The following TMEM132D variants were observed in gnomAD, a reference collection of about 807,000 sequenced individuals.
The protein encoded by TMEM132D is transmembrane protein 132D, also known as mature OL transmembrane protein.
TMEM132D carries 21 observed loss-of-function variants against 62.3 expected under a neutral mutation model. The observed-to-expected ratio is 0.34, with a 90% CI of 0.24 to 0.49. TMEM132D has a LOEUF of 0.49. Among genes scored for constraint, TMEM132D ranks in the 20% least tolerant of loss-of-function variants. The pLI, the probability that TMEM132D is intolerant of heterozygous loss-of-function variation, is 0.99. For missense variants in TMEM132D, 1,346 were observed against 1,402.8 expected, an observed-to-expected ratio of 0.96 and a Z score of 0.65; for synonymous variants, 621 against 575.6, an observed-to-expected ratio of 1.08 and a Z score of -1.13.
chr12:129,557,022 C>G (rs183611257), intron 2 of TMEM132D, among the ~76,000 whole-genome samples: 10 of 152,292 alleles, frequency 6.6e-5, no homozygotes, highest in Middle Eastern at 3.4e-3. Flanking sequence ...TTATATCCTT[C>G]TTTTAAAAGT....
At chr12:129,795,217 A>G (rs1871528652) in intron 1 of TMEM132D, among the ~76,000 whole-genome samples, 1 of 152,074 alleles carries the variant, frequency 6.6e-6, no homozygotes, top group African/African-American at 2.4e-5. Context: ...ACATCACTGC[A>G]TTGGCTATAA....
chr12:129,222,071 T>C (rs1332561717), intron 4 of TMEM132D, among the ~76,000 whole-genome samples: 2 of 152,128 alleles, frequency 1.3e-5, no homozygotes, highest in African/African-American at 2.4e-5. Flanking sequence ...GGCTGTGGTA[T>C]GGTATGCAGA....
At chr12:129,680,341 GA>G (rs1880747028) in intron 2 of TMEM132D, among the ~76,000 whole-genome samples, 1 of 152,048 alleles carries the variant, frequency 6.6e-6, no homozygotes, top group African/African-American at 2.4e-5. Flanking sequence ...AGATAAAAGG[GA>G]AAAGAAATAT....
At chr12:129,384,227 AG>A (rs1871039989) in intron 3 of TMEM132D, among the ~76,000 whole-genome samples, 1 of 152,254 alleles carries the variant, frequency 6.6e-6, no homozygotes, top group Non-Finnish European at 1.5e-5. Context: ...AACATTTAAA[AG>A]AGCTTATTGA....
intron 1 of TMEM132D, among the ~76,000 whole-genome samples, chr12:129,846,865 G>A (rs1306899115): frequency 6.6e-6 from 1 of 151,882 alleles, no homozygotes; most frequent in Non-Finnish European, 1.5e-5. Context: ...ATTTATTATA[G>A]TTATTTTTAA....
intron 1 of TMEM132D, among the ~76,000 whole-genome samples, chr12:129,794,442 CTCT>C (rs1467772007): frequency 3.9e-5 from 6 of 151,926 alleles, no homozygotes; most frequent in African/African-American, 7.3e-5. Flanking sequence ...GTATACAACG[CTCT>C]TCTTCTTTTA....
chr12:129,504,715 A>G (rs1175571530), intron 3 of TMEM132D, among the ~76,000 whole-genome samples: 2 of 151,808 alleles, frequency 1.3e-5, no homozygotes, highest in African/African-American at 4.8e-5. Flanking sequence ...TTTCAATTTC[A>G]TTTAGTTCTG....
At chr12:129,096,873 CA>C (rs1471214175) in intron 5 of TMEM132D, among the ~76,000 whole-genome samples, 1 of 152,232 alleles carries the variant, frequency 6.6e-6, no homozygotes, top group Non-Finnish European at 1.5e-5. Flanking sequence ...TACACAACCT[CA>C]AATTTCCACT....
At chr12:129,454,578 C>A (rs962987707) in intron 3 of TMEM132D, among the ~76,000 whole-genome samples, 4 of 152,194 alleles carry the variant, frequency 2.6e-5, no homozygotes, top group Non-Finnish European at 4.4e-5. Context: ...ATATTTTTAA[C>A]AACATGCAAA....
At chr12:129,617,206 C>G (rs958333612) in intron 2 of TMEM132D, among the ~76,000 whole-genome samples, 3 of 152,108 alleles carry the variant, frequency 2.0e-5, no homozygotes, top group Non-Finnish European at 4.4e-5. Context: ...ATGGTACCAA[C>G]GATTCAGAAC....
chr12:129,618,332 G>A (rs79230458), intron 2 of TMEM132D, among the ~76,000 whole-genome samples: 1 of 152,188 alleles, frequency 6.6e-6, no homozygotes, highest in Non-Finnish European at 1.5e-5. Context: ...TGAGGTCAGA[G>A]TAGTAATGCT....
At chr12:129,374,536 A>C (rs1870726023) in intron 3 of TMEM132D, among the ~76,000 whole-genome samples, 1 of 151,988 alleles carries the variant, frequency 6.6e-6, no homozygotes, top group Non-Finnish European at 1.5e-5. Flanking sequence ...CTGTGGTGAG[A>C]AGTGAGAGGC....
intron 4 of TMEM132D, among the ~76,000 whole-genome samples, chr12:129,309,740 A>C (rs6486449): frequency 6.6e-6 from 1 of 152,250 alleles, no homozygotes; most frequent in South Asian, 2.1e-4. Context: ...TAAAGCTCTC[A>C]TTGGGAAGAG....
chr12:129,223,976 G>A (rs1197782183), intron 4 of TMEM132D, among the ~76,000 whole-genome samples: 2 of 152,096 alleles, frequency 1.3e-5, no homozygotes, highest in Admixed American at 6.6e-5. Flanking sequence ...CTTATAAGTT[G>A]TGCATTGCAG....
chr12:129,511,305 G>A (rs866441468), intron 3 of TMEM132D, among the ~76,000 whole-genome samples: 2 of 152,210 alleles, frequency 1.3e-5, no homozygotes, highest in Non-Finnish European at 1.5e-5. Flanking sequence ...TTTGTGTCTG[G>A]CTTCTTTCAG....
chr12:129,273,048 T>C (rs1426933898), intron 4 of TMEM132D, among the ~76,000 whole-genome samples: 2 of 151,632 alleles, frequency 1.3e-5, no homozygotes. Context: ...ATACAAAAAT[T>C]AGCTGGGTGT....
chr12:129,249,635 T>G (rs1421004967), intron 4 of TMEM132D, among the ~76,000 whole-genome samples: 1 of 152,166 alleles, frequency 6.6e-6, no homozygotes, highest in African/African-American at 2.4e-5. Flanking sequence ...AGGTAGACAG[T>G]CAAGGCTCCT....
chr12:129,420,298 C>A (rs567237243), intron 3 of TMEM132D, among the ~76,000 whole-genome samples: 1 of 113,368 alleles, frequency 8.8e-6, no homozygotes, highest in East Asian at 3.3e-4. Flanking sequence ...AATTATTGCA[C>A]GTTCTCTGTT....
At chr12:129,471,271 G>A (rs989610239) in intron 3 of TMEM132D, among the ~76,000 whole-genome samples, 1 of 150,290 alleles carries the variant, frequency 6.7e-6, no homozygotes, top group Non-Finnish European at 1.5e-5. Flanking sequence ...AAGTCTATCG[G>A]CTCCTTATTC....
Sources: gnomAD v4.1 joint callset for allele counts (sites outside exome capture counted in the v4.1 genomes callset) on GRCh38, gnomAD v4.1.1 for gene constraint, MANE v1.5 for transcripts, NCBI Gene and HGNC (gene_info 2026-07-23, HGNC 2026-07-21) for gene names.